The following ELK3 variants were observed in gnomAD, a reference collection of about 807,000 sequenced individuals.
ELK3 encodes ETS transcription factor ELK3.
In ELK3, 10 loss-of-function variants were observed where a neutral mutation model predicts 28.9. The observed-to-expected ratio is 0.35, with a 90% CI of 0.21 to 0.59. The LOEUF is 0.59. ELK3 is among the 20% of genes least tolerant of loss of function. The pLI is 0.82. For synonymous variants in ELK3, 272 were observed against 243.5 expected (o/e 1.12, Z -1.09); for missense variants, 463 against 517.3 (o/e 0.90, Z 1.02).
chr12:96,266,118 G>GAT (rs1190987938), intron 4 of ELK3, among the ~76,000 whole-genome samples: 5 of 152,208 alleles, frequency 3.3e-5, no homozygotes, highest in Non-Finnish European at 5.9e-5. Flanking sequence ...CAAATGAAAT[G>GAT]ACAAGCCTTG....
Position 96,204,180 on chromosome 12 carries a change from T to A in ELK3, c.-3+9475T>A, listed in dbSNP as rs112555847. Among the ~76,000 whole-genome samples the A allele has an allele frequency of 1.5e-3, 230 of 152,254 alleles. 2 individuals carry two copies. Among genetic ancestry groups the A allele is most frequent in the African/African-American group, 5.2e-3 (217 of 41,522 alleles). On this transcript the variant is annotated intron_variant, in intron 1 of 4. Transcript: ENST00000228741. The stretch of plus-strand genomic sequence containing the variant: ...AATCTCAATGTAAAGTTTTTTTTTT[T>A]ATAGAATTAATCATTGTAGAGCAAC...
At chr12:96,257,510 A>G (rs2137040632) in intron 3 of ELK3, among the ~76,000 whole-genome samples, 1 of 152,342 alleles carries the variant, frequency 6.6e-6, no homozygotes, top group South Asian at 2.1e-4. Context: ...GACCTTGTAC[A>G]TTGCTTAGAG....
chr12:96,232,052 G>C (rs1951745489), intron 2 of ELK3, among the ~76,000 whole-genome samples: 1 of 152,194 alleles, frequency 6.6e-6, no homozygotes, highest in Non-Finnish European at 1.5e-5. Flanking sequence ...ACTTGATCTG[G>C]ATCTTAAGGA....
chr12:96,244,517 C>A (rs760675174), intron 2 of ELK3, among the ~76,000 whole-genome samples: 57 of 150,610 alleles, frequency 3.8e-4, no homozygotes, highest in Non-Finnish European at 6.8e-4. Context: ...GATTCAGATC[C>A]TTTTTCTTCT....
intron 3 of ELK3, among the ~76,000 whole-genome samples, chr12:96,258,746 C>T (rs2137041583): frequency 6.6e-6 from 1 of 152,290 alleles, no homozygotes; most frequent in Non-Finnish European, 1.5e-5. Context: ...AGGACTCCTG[C>T]TGTGTGTGTG....
chr12:96,236,213 A>G (rs1461123915), intron 2 of ELK3, among the ~76,000 whole-genome samples: 1 of 152,200 alleles, frequency 6.6e-6, no homozygotes. Flanking sequence ...GGAGGGAGAC[A>G]GGACTCCAGG....
chr12:96,201,380 GGA>G (rs1377438998), intron 1 of ELK3, among the ~76,000 whole-genome samples: 1 of 151,942 alleles, frequency 6.6e-6, no homozygotes, highest in Non-Finnish European at 1.5e-5. Context: ...CAGCATTTTG[GGA>G]GGCTGAAGCA....
At chr12:96,210,597 A>ACACACACACCCC (rs1416746905) in intron 1 of ELK3, among the ~76,000 whole-genome samples, 2 of 148,958 alleles carry the variant, frequency 1.3e-5, no homozygotes, top group South Asian at 2.1e-4. Flanking sequence ...ACACACACAC[A>ACACACACACCCC]CCCCGAGTGG....
chr12:96,216,269 G>A (rs933572911), intron 1 of ELK3, among the ~76,000 whole-genome samples: 1 of 152,138 alleles, frequency 6.6e-6, no homozygotes, highest in Non-Finnish European at 1.5e-5. Flanking sequence ...GATGGGAGCC[G>A]AATGTACCCC....
chr12:96,251,111 T>A (rs749714967), intron 3 of ELK3, among the ~76,000 whole-genome samples: 1 of 152,222 alleles, frequency 6.6e-6, no homozygotes, highest in Non-Finnish European at 1.5e-5. Flanking sequence ...CAGCACACAC[T>A]CACTCCGTGT....
intron 2 of ELK3, among the ~76,000 whole-genome samples, chr12:96,228,416 C>CA (rs71091236): frequency 0.089 from 6,023 of 67,918 alleles, 740 homozygotes; most frequent in Non-Finnish European, 0.11. Context: ...GACTCTGTGT[C>CA]AAAAAAAAAA....
At chr12:96,230,817 G>C (rs557945407) in intron 2 of ELK3, among the ~76,000 whole-genome samples, 1 of 152,192 alleles carries the variant, frequency 6.6e-6, no homozygotes, top group African/African-American at 2.4e-5. Flanking sequence ...TGCACGTGAC[G>C]CAGGTGTGGG....
At chr12:96,230,763 C>G (rs1437848965) in intron 2 of ELK3, among the ~76,000 whole-genome samples, 1 of 152,198 alleles carries the variant, frequency 6.6e-6, no homozygotes, top group East Asian at 1.9e-4. Context: ...AGGCTCTGAT[C>G]ACTGTGCTCA....
chr12:96,210,515 C>A (rs1472618168), intron 1 of ELK3, among the ~76,000 whole-genome samples: 1 of 151,600 alleles, frequency 6.6e-6, no homozygotes. Context: ...TAGCTCACTT[C>A]TGTTTCCTCT....
At chr12:96,264,965 G>T (rs758298747) in intron 4 of ELK3, among the ~76,000 whole-genome samples, 2 of 152,148 alleles carry the variant, frequency 1.3e-5, no homozygotes, top group Non-Finnish European at 2.9e-5. Context: ...TAACACACTC[G>T]TAAGTGGTGG....
intron 2 of ELK3, among the ~76,000 whole-genome samples, chr12:96,225,357 T>C (rs770904496): frequency 6.6e-6 from 1 of 152,244 alleles, no homozygotes; most frequent in East Asian, 1.9e-4. Flanking sequence ...CTCTTTAGCA[T>C]GAAGGGTTGT....
intron 2 of ELK3, among the ~76,000 whole-genome samples, chr12:96,226,350 G>A (rs539364715): frequency 1.3e-5 from 2 of 152,324 alleles, no homozygotes; most frequent in South Asian, 4.1e-4. Flanking sequence ...AAGGGCAGGA[G>A]CAGCCTCCTA....
chr12:96,213,489 C>T (rs186167496), intron 1 of ELK3, among the ~76,000 whole-genome samples: 11 of 152,130 alleles, frequency 7.2e-5, no homozygotes, highest in South Asian at 2.1e-4. Flanking sequence ...GGGTGGGGTG[C>T]GGTGAATTCT....
At chr12:96,243,794 G>A (rs1951837734) in intron 2 of ELK3, among the ~76,000 whole-genome samples, 1 of 149,574 alleles carries the variant, frequency 6.7e-6, no homozygotes, top group African/African-American at 2.5e-5. Flanking sequence ...AGTGAGCCGA[G>A]ATCACACCAC....
Sources: gnomAD v4.1 joint callset for allele counts (sites outside exome capture counted in the v4.1 genomes callset) on GRCh38, gnomAD v4.1.1 for gene constraint, MANE v1.5 for transcripts, NCBI Gene and HGNC (gene_info 2026-07-23, HGNC 2026-07-21) for gene names.